PTPN13: variants seen among roughly 807,000 people sequenced by gnomAD.
PTPN13 encodes tyrosine-protein phosphatase non-receptor type 13.
In PTPN13, 191 loss-of-function variants were observed where a neutral mutation model predicts 284.0. That is an observed-to-expected ratio of 0.67 (90% confidence interval 0.60 to 0.76). PTPN13 has a LOEUF of 0.76. PTPN13 is among the 30% of genes least tolerant of loss of function. The probability of loss-of-function intolerance (pLI) is 0.00; values close to 1 mark genes in which losing one functional copy is unlikely to be tolerated. For missense variants in PTPN13, 2,797 were observed against 2,939.9 expected, an observed-to-expected ratio of 0.95 and a Z score of 1.12; for synonymous variants, 986 against 1,022.3, an observed-to-expected ratio of 0.96 and a Z score of 0.68.
intron 1 of PTPN13, among the ~76,000 whole-genome samples, chr4:86,620,193 T>G (rs1274946634): frequency 1.3e-5 from 2 of 152,234 alleles, no homozygotes; most frequent in East Asian, 3.8e-4. Flanking sequence ...TGAGACAAGT[T>G]CTTGCTCTGT....
chr4:86,646,978 T>C (rs1220693755), intron 2 of PTPN13, among the ~76,000 whole-genome samples: 1 of 152,216 alleles, frequency 6.6e-6, no homozygotes, highest in Non-Finnish European at 1.5e-5. Context: ...TAGTACATTC[T>C]ATATGATTCT....
chr4:86,759,870 T>A (rs973341605), intron 23 of PTPN13, among the ~76,000 whole-genome samples: 2 of 152,222 alleles, frequency 1.3e-5, no homozygotes, highest in Non-Finnish European at 2.9e-5. Context: ...ATTTTAGCTG[T>A]CATTAATATT....
chr4:86,758,579 G>T, intron 21 of PTPN13, 99 bp from the exon 22 acceptor site: 2 of 1,065,922 alleles, frequency 1.9e-6, no homozygotes, highest in South Asian at 1.4e-5. Context: ...CTAATCATTT[G>T]ATATCAATAG....
chr4:86,633,339 T>A (rs1440958216), intron 1 of PTPN13, among the ~76,000 whole-genome samples: 1 of 152,122 alleles, frequency 6.6e-6, no homozygotes, highest in Non-Finnish European at 1.5e-5. Context: ...CCTGTCTACC[T>A]CATGTTGCTG....
chr4:86,785,310 T>C lies in PTPN13; in HGVS notation c.6198T>C (p.Asp2066=). The change falls in exon 39 of 48, where the codon GAT becomes GAC. Residue 2066 remains aspartate (D), a synonymous_variant. Transcript: ENST00000411767. ...TCCAGTCTCTGCTGGATGTTGTGGA[T>C]GAGGAAGCCCAGAATCTTTTAAACG... The part of the protein sequence containing the change: ...EVIQSLLDVV[D]EEAQNLLNEN... The C allele has an allele frequency of 6.2e-7, 1 of 1,610,890 alleles. No homozygotes were observed. Among genetic ancestry groups the C allele is most frequent in the South Asian group, 1.1e-5 (1 of 90,648 alleles).
Position 86,594,380 on chromosome 4 carries a change from C to T in PTPN13, c.-415C>T, listed in dbSNP as rs1763386933. 1 of 152,318 alleles carries T rather than the reference C, an allele frequency of 6.6e-6. No individual in the cohort carries two copies. Among genetic ancestry groups the T allele is most frequent in the Non-Finnish European group, 1.5e-5 (1 of 68,086 alleles). The allele number at this position is 152,318 out of a possible 1,614,324, so 9.4% of individuals were successfully genotyped here. A position where few individuals can be genotyped will look rare whatever the true frequency, so the allele number is the denominator to read the frequency against. Reference sequence around the variant, plus strand: ...CATGCTCACGGCCCCTGGAGACCGTCGTGCTGGCGAGCCGTGCTCCGTAGC... The same window carrying T: ...CATGCTCACGGCCCCTGGAGACCGTTGTGCTGGCGAGCCGTGCTCCGTAGC... On this transcript the variant is annotated 5_prime_UTR_variant, in exon 1 of 48. Coordinates refer to ENST00000411767, the MANE Select transcript of PTPN13 (RefSeq NM_080683.3).
chr4:86,811,104 C>G lies in PTPN13; in HGVS notation c.7358C>G (p.Thr2453Arg). ...MRLQRHGMVQTEDQYIFCYQV... is the reference protein window; with the variant it reads ...MRLQRHGMVQREDQYIFCYQV... ...CTACAAAGACACGGAATGGTTCAGA[C>G]AGAGGTGAGTCATGGCTGGGCCTCC... Residue 2453 changes from threonine to arginine, a missense_variant, in exon 47 of 48, where the codon ACA (threonine) becomes AGA (arginine). Transcript: ENST00000411767. 6.2e-7 allele frequency: 1 copy of G among 1,612,764 alleles called. No homozygotes were observed. Among genetic ancestry groups the G allele is most frequent in the Non-Finnish European group, 8.5e-7 (1 of 1,179,086 alleles).
chr4:86,765,850 C>T (rs1739245924), intron 26 of PTPN13, among the ~76,000 whole-genome samples: 2 of 150,790 alleles, frequency 1.3e-5, no homozygotes, highest in Admixed American at 6.6e-5. Context: ...TTTTTCGAGA[C>T]AGAGTCTCAC....
At chr4:86,698,428 C>T (rs974539898) in intron 6 of PTPN13, among the ~76,000 whole-genome samples, 11 of 152,110 alleles carry the variant, frequency 7.2e-5, no homozygotes, top group Middle Eastern at 3.4e-3. Flanking sequence ...CAGAAGAGGT[C>T]GGTGCTAAGC....
intron 40 of PTPN13, among the ~76,000 whole-genome samples, chr4:86,795,159 T>C (rs1464699394): frequency 6.6e-6 from 1 of 152,196 alleles, no homozygotes; most frequent in Non-Finnish European, 1.5e-5. Flanking sequence ...AAAGGACTAA[T>C]ATCCTGAATC....
At chr4:86,595,709 A>G in intron 1 of PTPN13, 2 of 985,422 alleles carry the variant, frequency 2.0e-6, no homozygotes, top group Non-Finnish European at 2.4e-6. Flanking sequence ...CTCGCAGAAA[A>G]TGGGGCAATC....
chr4:86,700,513 A>G (rs1202261397), intron 6 of PTPN13, among the ~76,000 whole-genome samples: 1 of 152,150 alleles, frequency 6.6e-6, no homozygotes, highest in Admixed American at 6.5e-5. Context: ...TAACTATATC[A>G]AGGACTAAAG....
intron 2 of PTPN13, among the ~76,000 whole-genome samples, chr4:86,640,582 A>C (rs1218101329): frequency 1.3e-5 from 2 of 152,184 alleles, no homozygotes; most frequent in Admixed American, 6.5e-5. Context: ...AGTGACATAG[A>C]CGATAAGTAC....
intron 10 of PTPN13, among the ~76,000 whole-genome samples, chr4:86,722,645 A>G (rs34246596): frequency 1.6e-4 from 24 of 152,204 alleles, no homozygotes; most frequent in Non-Finnish European, 3.4e-4. Flanking sequence ...CTAAAAAATA[A>G]CTTAGATGAA....
intron 6 of PTPN13, 95 bp downstream of exon 6, chr4:86,693,769 T>G: frequency 1.3e-6 from 1 of 796,512 alleles, no homozygotes; most frequent in Non-Finnish European, 1.9e-6. Flanking sequence ...ATCTGGTAAT[T>G]GAGACTATGA....
At chr4:86,677,960 C>T (rs1463054137) in intron 3 of PTPN13, among the ~76,000 whole-genome samples, 1 of 151,982 alleles carries the variant, frequency 6.6e-6, no homozygotes, top group Non-Finnish European at 1.5e-5. Context: ...TCAGCAGATC[C>T]CTGGGGCCAT....
At position 86,610,811 on chromosome 4, in the gene PTPN13, C is replaced by T. The variant is rs141167051; in HGVS notation, c.-6+16022C>T. ...GAGTTTATGCCCTAGATTATCTTAA[C>T]AGCCTTACACTTGCATGAACTTGCC... is the stretch of plus-strand genomic sequence containing the variant. On this transcript the variant is annotated intron_variant, in intron 1 of 47. Transcript: ENST00000411767. Among the ~76,000 whole-genome samples, 512 of 152,326 alleles carry T rather than the reference C, an allele frequency of 3.4e-3. 1 individual carries two copies. Among genetic ancestry groups the T allele is most frequent in the African/African-American group, 0.012 (495 of 41,574 alleles).
At chr4:86,736,564 G>A (rs1317457119) in intron 15 of PTPN13, among the ~76,000 whole-genome samples, 1 of 152,094 alleles carries the variant, frequency 6.6e-6, no homozygotes, top group Non-Finnish European at 1.5e-5. Context: ...AGGCAAGGTG[G>A]TTTTTTCTGT....
intron 40 of PTPN13, among the ~76,000 whole-genome samples, chr4:86,794,497 T>C (rs184797724): frequency 2.6e-5 from 4 of 152,222 alleles, no homozygotes; most frequent in Admixed American, 1.3e-4. Flanking sequence ...GATTCAATGC[T>C]ATCCCCATCA....
Sources: allele counts gnomAD v4.1 joint callset (sites outside exome capture counted in the v4.1 genomes callset), GRCh38; gene constraint gnomAD v4.1.1; transcripts MANE v1.5; gene names NCBI Gene and HGNC (gene_info 2026-07-23, HGNC 2026-07-21).